The following GNG12 variants were observed in gnomAD, a reference collection of about 807,000 sequenced individuals.
GNG12 encodes guanine nucleotide-binding protein G(I)/G(S)/G(O) subunit gamma-12.
For synonymous variants in GNG12, 28 were observed against 29.7 expected (o/e 0.94, Z 0.19); for missense variants, 69 against 83.8 (o/e 0.82, Z 0.69).
chr1:67,771,872 A>G (rs1646676928), intron 2 of GNG12, among the ~76,000 whole-genome samples: 8 of 152,228 alleles, frequency 5.3e-5, no homozygotes, highest in Admixed American at 3.9e-4. Context: ...AATGGCAACT[A>G]TGATTGTGGA....
At chr1:67,759,170 T>TA (rs1391235219) in intron 2 of GNG12, among the ~76,000 whole-genome samples, 1 of 152,112 alleles carries the variant, frequency 6.6e-6, no homozygotes, top group East Asian at 1.9e-4. Flanking sequence ...TATACAACAA[T>TA]AAAAAATGTT....
chr1:67,755,523 C>G (rs1257710169), intron 2 of GNG12, among the ~76,000 whole-genome samples: 1 of 152,192 alleles, frequency 6.6e-6, no homozygotes, highest in Non-Finnish European at 1.5e-5. Context: ...CCAGCATCGT[C>G]TTCCGGCCTC....
chr1:67,758,295 C>CCAA (rs1646581831), intron 2 of GNG12, among the ~76,000 whole-genome samples: 1 of 152,198 alleles, frequency 6.6e-6, no homozygotes, highest in Non-Finnish European at 1.5e-5. Flanking sequence ...TTTCCTATTG[C>CCAA]AGCAACACAT....
At chr1:67,750,448 C>T (rs186803695) in intron 2 of GNG12, among the ~76,000 whole-genome samples, 11 of 152,314 alleles carry the variant, frequency 7.2e-5, no homozygotes, top group Admixed American at 2.0e-4. Flanking sequence ...CTCTCTCCAA[C>T]GAGGTGCACG....
intron 1 of GNG12, among the ~76,000 whole-genome samples, chr1:67,828,812 T>C (rs1289245726): frequency 6.6e-6 from 1 of 152,308 alleles, no homozygotes; most frequent in Admixed American, 6.5e-5. Context: ...ATATTCTTCA[T>C]GAAGATCAAA....
At chr1:67,767,299 T>A (rs764467437) in intron 2 of GNG12, among the ~76,000 whole-genome samples, 5 of 152,124 alleles carry the variant, frequency 3.3e-5, no homozygotes, top group Non-Finnish European at 7.4e-5. Context: ...CTAATGAGAC[T>A]GACAGGGGTT....
intron 1 of GNG12, among the ~76,000 whole-genome samples, chr1:67,794,507 A>C (rs1646818753): frequency 6.6e-6 from 1 of 152,220 alleles, no homozygotes; most frequent in African/African-American, 2.4e-5. Context: ...AAAAAACTTA[A>C]TACAATAAAG....
chr1:67,810,324 C>T (rs1646917891), intron 1 of GNG12, among the ~76,000 whole-genome samples: 1 of 152,174 alleles, frequency 6.6e-6, no homozygotes, highest in Non-Finnish European at 1.5e-5. Context: ...TAATACTACA[C>T]TGGTGAATAC....
At chr1:67,744,959 C>A (rs1043055278) in intron 2 of GNG12, among the ~76,000 whole-genome samples, 6 of 152,182 alleles carry the variant, frequency 3.9e-5, no homozygotes, top group Non-Finnish European at 7.3e-5. Flanking sequence ...CACCTACTTG[C>A]TATATGACTG....
intron 1 of GNG12, among the ~76,000 whole-genome samples, chr1:67,814,168 GAAACACATAAAGT>G (rs1380498807): frequency 6.6e-6 from 1 of 151,940 alleles, no homozygotes; most frequent in Non-Finnish European, 1.5e-5. Flanking sequence ...AAACATTACA[GAAACACATAAAGT>G]AAACAAAAAA....
rs756645057 is a variant in GNG12, at chr1:67,766,148, A to ACACCCC, written c.-27+11309_-27+11310insGGGGTG. 3.0e-5 allele frequency among the ~76,000 whole-genome samples: 4 copies of ACACCCC among 133,792 alleles called. No homozygotes were observed. The East Asian group carries it at 6.3e-4, about 21-fold the overall frequency. The allele number at this position is 133,792 out of a possible 152,430, so 87.8% of individuals were successfully genotyped here. A position where few individuals can be genotyped will look rare whatever the true frequency, so the allele number is the denominator to read the frequency against. ...CACACACACACACACACACACACAC[A>ACACCCC]CCCCTAAACAATGCCCTCATAGACA... is the stretch of plus-strand genomic sequence containing the variant. On this transcript the variant is annotated intron_variant, in intron 2 of 3. Coordinates refer to ENST00000370982, the MANE Select transcript of GNG12 (RefSeq NM_018841.6).
chr1:67,786,480 G>A (rs1162928988), intron 1 of GNG12, among the ~76,000 whole-genome samples: 1 of 152,172 alleles, frequency 6.6e-6, no homozygotes, highest in Non-Finnish European at 1.5e-5. Context: ...ATGACAGACA[G>A]CCACAGAGCA....
At chr1:67,751,277 G>C (rs1413133069) in intron 2 of GNG12, among the ~76,000 whole-genome samples, 1 of 152,058 alleles carries the variant, frequency 6.6e-6, no homozygotes, top group African/African-American at 2.4e-5. Context: ...AGCCATTATA[G>C]AAATGAATGA....
intron 1 of GNG12, among the ~76,000 whole-genome samples, chr1:67,794,957 T>C (rs1161869562): frequency 6.6e-6 from 1 of 152,214 alleles, no homozygotes; most frequent in Non-Finnish European, 1.5e-5. Context: ...GGCATTTCAC[T>C]AAGCACTGTG....
intron 2 of GNG12, among the ~76,000 whole-genome samples, chr1:67,754,600 C>T (rs1254186144): frequency 1.3e-5 from 2 of 152,220 alleles, no homozygotes; most frequent in Non-Finnish European, 2.9e-5. Context: ...CCACTCTGCA[C>T]ACCCAAAGTG....
At chr1:67,706,992 A>G (rs1296302500) in intron 3 of GNG12, among the ~76,000 whole-genome samples, 1 of 152,178 alleles carries the variant, frequency 6.6e-6, no homozygotes, top group Non-Finnish European at 1.5e-5. Context: ...AACTAGTCAT[A>G]ACATTCCAGG....
At chr1:67,756,309 T>C (rs1418784333) in intron 2 of GNG12, among the ~76,000 whole-genome samples, 1 of 152,168 alleles carries the variant, frequency 6.6e-6, no homozygotes, top group Non-Finnish European at 1.5e-5. Context: ...ATCAGGTCTG[T>C]AGTTTATAAA....
intron 2 of GNG12, among the ~76,000 whole-genome samples, chr1:67,772,369 A>T (rs1418793290): frequency 6.6e-6 from 1 of 152,162 alleles, no homozygotes; most frequent in Non-Finnish European, 1.5e-5. Context: ...GGTAGTCTGG[A>T]TCATGACACC....
intron 2 of GNG12, among the ~76,000 whole-genome samples, chr1:67,766,887 GAAT>G (rs1484065347): frequency 6.6e-6 from 1 of 152,164 alleles, no homozygotes; most frequent in African/African-American, 2.4e-5. Context: ...TCCTCTTAGG[GAAT>G]GCAGGTCTAG....
Sources: gnomAD v4.1 joint callset for allele counts (sites outside exome capture counted in the v4.1 genomes callset) on GRCh38, gnomAD v4.1.1 for gene constraint, MANE v1.5 for transcripts, NCBI Gene and HGNC (gene_info 2026-07-23, HGNC 2026-07-21) for gene names.